The following ADAMTS3 variants were observed in gnomAD, a reference collection of about 807,000 sequenced individuals.
ADAMTS3 encodes ADAM metallopeptidase with thrombospondin type 1 motif 3.
ADAMTS3 carries 73 observed loss-of-function variants against 129.0 expected under a neutral mutation model. That is an observed-to-expected ratio of 0.57 (90% CI 0.47 to 0.69). The LOEUF (loss-of-function observed/expected upper bound fraction) is 0.69, where lower values mean the gene tolerates loss of function less well. ADAMTS3 is among the 30% of genes least tolerant of loss of function. The probability of loss-of-function intolerance (pLI) is 0.00; values close to 1 mark genes in which losing one functional copy is unlikely to be tolerated. For synonymous variants in ADAMTS3, 477 were observed against 510.8 expected, an observed-to-expected ratio of 0.93 and a Z score of 0.89; for missense variants, 1,457 against 1,514.5, an observed-to-expected ratio of 0.96 and a Z score of 0.63.
At chr4:72,565,257 AAAAT>A (rs1560569850) in intron 2 of ADAMTS3, among the ~76,000 whole-genome samples, 2 of 152,234 alleles carry the variant, frequency 1.3e-5, no homozygotes, top group East Asian at 1.9e-4. Flanking sequence ...AATTTGTTGA[AAAAT>A]AAATAAATAA....
intron 3 of ADAMTS3, among the ~76,000 whole-genome samples, chr4:72,532,922 T>C (rs1179018858): frequency 6.6e-6 from 1 of 152,150 alleles, no homozygotes; most frequent in Non-Finnish European, 1.5e-5. Context: ...TCTGGGCAAG[T>C]CAGTGAGTGG....
intron 3 of ADAMTS3, among the ~76,000 whole-genome samples, chr4:72,501,392 T>C (rs1720017847): frequency 6.6e-6 from 1 of 152,056 alleles, no homozygotes; most frequent in Non-Finnish European, 1.5e-5. Flanking sequence ...TTAAATGGGA[T>C]TGTGTTCTTG....
Position 72,313,673 on chromosome 4 carries a change from T to C in ADAMTS3, c.1745+4A>G. ...AATAACAAGAGTTACAAGGATATACTCACATGGGATTATTGCACTGGCGTG... is the reference window on the plus strand; with the variant it reads ...AATAACAAGAGTTACAAGGATATACCCACATGGGATTATTGCACTGGCGTG... On this transcript the variant is annotated splice_donor_region_variant and intron_variant, in intron 12 of 21. Coordinates refer to ENST00000286657, the MANE Select transcript of ADAMTS3 (RefSeq NM_014243.3). 6.2e-7 allele frequency: 1 copy of C among 1,613,278 alleles called. No homozygotes were observed. Among genetic ancestry groups the C allele is most frequent in the Non-Finnish European group, 8.5e-7 (1 of 1,179,598 alleles).
intron 21 of ADAMTS3, among the ~76,000 whole-genome samples, chr4:72,286,119 G>T (rs561482557): frequency 6.6e-6 from 1 of 152,146 alleles, no homozygotes; most frequent in Non-Finnish European, 1.5e-5. Flanking sequence ...TAGCTCCCTG[G>T]TTTTATATTC....
At chr4:72,338,282 T>C (rs1439087939) in intron 5 of ADAMTS3, among the ~76,000 whole-genome samples, 12 of 152,166 alleles carry the variant, frequency 7.9e-5, no homozygotes, top group Non-Finnish European at 1.8e-4. Context: ...AGTCAAGAGT[T>C]GAAAACATTC....
At chr4:72,366,336 G>A (rs762866798) in intron 4 of ADAMTS3, among the ~76,000 whole-genome samples, 5 of 152,044 alleles carry the variant, frequency 3.3e-5, no homozygotes, top group Non-Finnish European at 4.4e-5. Context: ...TCATTATCTC[G>A]CTATTCACTA....
intron 2 of ADAMTS3, among the ~76,000 whole-genome samples, chr4:72,556,390 C>A (rs1721767609): frequency 4.6e-5 from 7 of 151,740 alleles, no homozygotes; most frequent in Admixed American, 4.6e-4. Context: ...CCAGATGTCC[C>A]CAATACATTG....
At chr4:72,551,929 C>T (rs1226287579) in intron 2 of ADAMTS3, among the ~76,000 whole-genome samples, 3 of 152,154 alleles carry the variant, frequency 2.0e-5, no homozygotes, top group Non-Finnish European at 2.9e-5. Context: ...TACCTACCTG[C>T]AGCCAGTCAA....
Position 72,283,291 on chromosome 4 carries a change from T to C in ADAMTS3, c.3463A>G (p.Arg1155Gly). Residue 1155 changes from arginine to glycine, a missense_variant, in exon 22 of 22, where the codon AGG becomes GGG. Coordinates refer to ENST00000286657, the MANE Select transcript of ADAMTS3 (RefSeq NM_014243.3). ...VTVPSSPPTK[R>G]VHLSSASQMA... is the part of the protein sequence containing the mutation. ...TGTGAAGCTGAACTGAGGTGGACCC[T>C]CTTGGTGGGTGGGGAGGATGGTACG... 1 of 1,614,046 alleles carries C rather than the reference T, an allele frequency of 6.2e-7. No homozygotes were observed.
At chr4:72,518,856 A>G (rs1291952982) in intron 3 of ADAMTS3, among the ~76,000 whole-genome samples, 1 of 151,658 alleles carries the variant, frequency 6.6e-6, no homozygotes, top group Non-Finnish European at 1.5e-5. Context: ...TAATATTGTT[A>G]TGTGTGAATT....
chr4:72,307,224 T>C (rs1215054202), intron 15 of ADAMTS3, among the ~76,000 whole-genome samples: 1 of 152,042 alleles, frequency 6.6e-6, no homozygotes, highest in East Asian at 1.9e-4. Flanking sequence ...GTGTCCTAAC[T>C]AAATAAAGTG....
chr4:72,313,031 A>G (rs930376110), intron 12 of ADAMTS3, among the ~76,000 whole-genome samples: 3 of 152,162 alleles, frequency 2.0e-5, no homozygotes, highest in Non-Finnish European at 2.9e-5. Context: ...GTGGCATCAG[A>G]TAGTCTTACA....
At position 72,303,972 on chromosome 4, in the gene ADAMTS3, T is replaced by C. The variant is rs1388364683; in HGVS notation, c.2369A>G (p.Asp790Gly). ...ATCGGTGTGAAGACTTTCAATGTCA[T>C]CTTCAATGTTATAATCCCACTCCAC... Reference protein sequence around the residue: ...LGVEWDYNIEDDIESLHTDGP... With the variant: ...LGVEWDYNIEGDIESLHTDGP... Residue 790 changes from aspartate (D) to glycine (G), a missense_variant, in exon 17 of 22, where the codon GAT becomes GGT. By Grantham distance (94) the Asp-to-Gly change is moderately conservative (BLOSUM62 -1). Transcript: ENST00000286657. The C allele has an allele frequency of 1.2e-6, 2 of 1,613,650 alleles. No homozygotes were observed. Among genetic ancestry groups the C allele is most frequent in the African/African-American group, 1.3e-5 (1 of 74,888 alleles).
At chr4:72,430,612 G>T (rs1035701584) in intron 3 of ADAMTS3, among the ~76,000 whole-genome samples, 13 of 152,074 alleles carry the variant, frequency 8.5e-5, no homozygotes, top group South Asian at 4.1e-4. Context: ...CAAAATCCAT[G>T]AACATAGTAA....
chr4:72,470,797 CT>C (rs1476880167), intron 3 of ADAMTS3, among the ~76,000 whole-genome samples: 1 of 152,032 alleles, frequency 6.6e-6, no homozygotes, highest in Non-Finnish European at 1.5e-5. Context: ...GTCCTACACA[CT>C]TATGGTAATG....
intron 3 of ADAMTS3, among the ~76,000 whole-genome samples, chr4:72,471,156 C>T (rs993984122): frequency 1.3e-5 from 2 of 152,098 alleles, no homozygotes; most frequent in African/African-American, 4.8e-5. Context: ...TCAAGGAAAA[C>T]AACTAACAGG....
intron 3 of ADAMTS3, among the ~76,000 whole-genome samples, chr4:72,530,479 T>TATAAATATATAAAAATATAG (rs1720987029): frequency 1.1e-5 from 1 of 89,690 alleles, no homozygotes; most frequent in Non-Finnish European, 1.9e-5. Flanking sequence ...TAATTTAATA[T>TATAAATATATAAAAATATAG]ATAAATATAT....
At chr4:72,364,704 T>C (rs1186448473) in intron 4 of ADAMTS3, among the ~76,000 whole-genome samples, 2 of 152,136 alleles carry the variant, frequency 1.3e-5, no homozygotes, top group Non-Finnish European at 2.9e-5. Context: ...TTTATTAATG[T>C]ATAAAGGAAT....
At chr4:72,467,401 T>C (rs1718950964) in intron 3 of ADAMTS3, among the ~76,000 whole-genome samples, 1 of 152,078 alleles carries the variant, frequency 6.6e-6, no homozygotes, top group Non-Finnish European at 1.5e-5. Flanking sequence ...CCTCCTAAAA[T>C]GCAAGAGCAC....
Sources: gnomAD v4.1 joint callset for allele counts (sites outside exome capture counted in the v4.1 genomes callset) on GRCh38, gnomAD v4.1.1 for gene constraint, MANE v1.5 for transcripts, NCBI Gene and HGNC (gene_info 2026-07-23, HGNC 2026-07-21) for gene names.